Variants in FBXL5 observed in about 807,000 individuals in gnomAD.
FBXL5 encodes F-box and leucine rich repeat protein 5.
FBXL5 carries 26 observed loss-of-function variants against 78.3 expected under a neutral mutation model. The observed-to-expected ratio is 0.33, with a 90% CI of 0.24 to 0.46. The LOEUF (loss-of-function observed/expected upper bound fraction) is 0.46. FBXL5 is among the 20% of genes least tolerant of loss of function. The pLI is 1.00. For missense variants in FBXL5, 710 were observed against 829.2 expected (o/e 0.86, Z 1.77); for synonymous variants, 295 against 282.5 (o/e 1.04, Z -0.45).
At chr4:15,620,102 A>G (rs1346871729) in intron 9 of FBXL5, among the ~76,000 whole-genome samples, 2 of 152,088 alleles carry the variant, frequency 1.3e-5, no homozygotes, top group African/African-American at 2.4e-5. Flanking sequence ...AGAAAGATAA[A>G]GAGTCGACAC....
At chr4:15,609,656 T>C (rs1376142633) in intron 10 of FBXL5, among the ~76,000 whole-genome samples, 1 of 152,108 alleles carries the variant, frequency 6.6e-6, no homozygotes, top group Non-Finnish European at 1.5e-5. Context: ...TGCTATTCCA[T>C]TTAACACTTC....
chr4:15,638,745 T>G, intron 3 of FBXL5, 51 bp from the exon 4 acceptor site: 1 of 1,163,088 alleles, frequency 8.6e-7, no homozygotes, highest in South Asian at 1.4e-5. Context: ...CGTGTTGATT[T>G]ACTCTAAACC....
chr4:15,641,858 C>T (rs1377814429), intron 2 of FBXL5, among the ~76,000 whole-genome samples: 3 of 151,994 alleles, frequency 2.0e-5, no homozygotes, highest in African/African-American at 4.8e-5. Context: ...GAAACCCTGT[C>T]TCTACTAAAA....
At chr4:15,634,990 T>C (rs780120936) in intron 5 of FBXL5, among the ~76,000 whole-genome samples, 1 of 152,180 alleles carries the variant, frequency 6.6e-6, no homozygotes, top group Non-Finnish European at 1.5e-5. Flanking sequence ...GTCTACCTAA[T>C]ATTTCAAATA....
At chr4:15,674,467 A>G (rs1717891185) in intron 1 of FBXL5, among the ~76,000 whole-genome samples, 1 of 152,082 alleles carries the variant, frequency 6.6e-6, no homozygotes, top group Non-Finnish European at 1.5e-5. Context: ...TTTTTATTAT[A>G]TTGTATTTAT....
chr4:15,653,104 G>T (rs2148719753), intron 1 of FBXL5, among the ~76,000 whole-genome samples: 1 of 151,308 alleles, frequency 6.6e-6, no homozygotes. Flanking sequence ...AAATTCCTAT[G>T]CATTTTTTTT....
At chr4:15,641,212 T>G (rs1339663462) in intron 2 of FBXL5, among the ~76,000 whole-genome samples, 1 of 152,214 alleles carries the variant, frequency 6.6e-6, no homozygotes, top group East Asian at 1.9e-4. Flanking sequence ...TCTCCAAGCC[T>G]AATGGACTGT....
chr4:15,650,676 T>C (rs1715905385), intron 1 of FBXL5, among the ~76,000 whole-genome samples: 1 of 144,916 alleles, frequency 6.9e-6, no homozygotes, highest in Non-Finnish European at 1.5e-5. Context: ...TTTTTTTTTT[T>C]TTTTTTTTTG....
chr4:15,639,500 T>A (rs1357955246), intron 3 of FBXL5, among the ~76,000 whole-genome samples: 2 of 152,254 alleles, frequency 1.3e-5, no homozygotes, highest in Non-Finnish European at 2.9e-5. Context: ...CAGTGGTTCC[T>A]ACAAGAATTA....
At position 15,608,464 on chromosome 4, in the gene FBXL5, A is replaced by C. The variant is rs28393028; in HGVS notation, c.2000-2665T>G. Among the ~76,000 whole-genome samples the C allele has an allele frequency of 7.9e-4, 120 of 151,970 alleles. 1 individual carries two copies. In the East Asian group the frequency reaches 0.022, roughly 28 times the overall value. ...ATGGGGGAAGAAAAATGTAGAAATA[A>C]AAGTTTTTACCCTGTATTAGGTAAA... On this transcript the variant is annotated intron_variant, in intron 10 of 10. Coordinates refer to ENST00000341285, the MANE Select transcript of FBXL5 (RefSeq NM_012161.4).
At chr4:15,634,393 G>A in intron 5 of FBXL5, among the ~76,000 whole-genome samples, 1 of 151,944 alleles carries the variant, frequency 6.6e-6, no homozygotes, top group Non-Finnish European at 1.5e-5. Context: ...TTGAGACGGA[G>A]TCTCACTCTG....
intron 9 of FBXL5, among the ~76,000 whole-genome samples, chr4:15,622,693 G>A (rs1012538699): frequency 3.3e-5 from 5 of 152,160 alleles, no homozygotes; most frequent in African/African-American, 1.2e-4. Flanking sequence ...TTAGAACAGT[G>A]CAAGAAATGT....
chr4:15,630,570 A>C, intron 6 of FBXL5, 96 bp downstream of exon 6: 1 of 1,180,554 alleles, frequency 8.5e-7, no homozygotes, highest in Non-Finnish European at 1.1e-6. Context: ...TCTTTAGAAA[A>C]CACAAAATAC....
upstream of FBXL5, chr4:15,656,171 C>T: frequency 2.2e-6 from 1 of 456,122 alleles, no homozygotes. Context: ...GGGAAAGAAC[C>T]TTGGTACAAA....
chr4:15,667,758 T>C (rs995192516), intron 1 of FBXL5, among the ~76,000 whole-genome samples: 4 of 152,110 alleles, frequency 2.6e-5, no homozygotes, highest in Non-Finnish European at 5.9e-5. Context: ...GACTTCCTGG[T>C]ATAAGATGGT....
chr4:15,608,148 A>G (rs528841043), intron 10 of FBXL5, among the ~76,000 whole-genome samples: 15 of 152,294 alleles, frequency 9.8e-5, no homozygotes, highest in African/African-American at 3.6e-4. Context: ...AAGGACAGAA[A>G]GGTAAGGGAG....
At chr4:15,666,636 G>A (rs940355016) in intron 1 of FBXL5, among the ~76,000 whole-genome samples, 1 of 151,782 alleles carries the variant, frequency 6.6e-6, no homozygotes, top group Admixed American at 6.6e-5. Flanking sequence ...ACTAAGAGAA[G>A]CCTGGGAAAC....
intron 9 of FBXL5, among the ~76,000 whole-genome samples, chr4:15,616,812 C>T (rs1473342084): frequency 1.3e-5 from 2 of 152,204 alleles, no homozygotes; most frequent in African/African-American, 4.8e-5. Context: ...ATCCTTCTCC[C>T]GTTATCTAGA....
intron 5 of FBXL5, among the ~76,000 whole-genome samples, chr4:15,631,801 A>T (rs2148600420): frequency 6.6e-6 from 1 of 151,924 alleles, no homozygotes; most frequent in Non-Finnish European, 1.5e-5. Flanking sequence ...AGTTCTTTGT[A>T]GATTCTGGAT....
Sources: allele counts gnomAD v4.1 joint callset (sites outside exome capture counted in the v4.1 genomes callset), GRCh38; gene constraint gnomAD v4.1.1; transcripts MANE v1.5; gene names NCBI Gene and HGNC (gene_info 2026-07-23, HGNC 2026-07-21).